Variants in ZNF433 observed in about 807,000 individuals in gnomAD.
ZNF433 encodes zinc finger protein 433.
A neutral mutation model predicts 10.6 loss-of-function variants in ZNF433; 12 were observed. The observed-to-expected ratio is 1.13, with a 90% confidence interval of 0.72 to 1.83. The LOEUF is 1.83. Ranked by LOEUF, ZNF433 falls within the 40% of genes most tolerant of loss-of-function variation. ZNF433 has a pLI of 0.00. For synonymous variants in ZNF433, 272 were observed against 271.3 expected (o/e 1.00, Z -0.02); for missense variants, 737 against 798.0 (o/e 0.92, Z 0.92).
chr19:12,033,638 C>T (rs1037663472), intron 1 of ZNF433, among the ~76,000 whole-genome samples: 3 of 152,028 alleles, frequency 2.0e-5, no homozygotes, highest in Non-Finnish European at 4.4e-5. Flanking sequence ...CTGGCTAACA[C>T]AGTGAAACCC....
At position 12,035,459 on chromosome 19, in the gene ZNF433, C is replaced by G. The variant is rs1599382410; in HGVS notation, c.3+78G>C. 7 of 1,542,696 alleles carry G rather than the reference C, an allele frequency of 4.5e-6. No homozygotes were observed. The South Asian group carries it at 7.2e-5, about 16-fold the overall frequency. ...ACCCCGGAGTCGCCGCGGGGAGGCCCGGGTCCCACCACAGCCGGTTCCGGC... is the reference window on the plus strand; with the variant it reads ...ACCCCGGAGTCGCCGCGGGGAGGCCGGGGTCCCACCACAGCCGGTTCCGGC... On this transcript the variant is annotated intron_variant, in intron 1 of 3. Coordinates refer to ENST00000550507, the MANE Select transcript of ZNF433 (RefSeq NM_001308348.2).
At position 12,014,789 on chromosome 19, in the gene ZNF433, G is replaced by T; in HGVS notation, c.*56C>A. 1 of 1,333,878 alleles carries T rather than the reference G, an allele frequency of 7.5e-7. No homozygotes were observed. Among genetic ancestry groups the T allele is most frequent in the Non-Finnish European group, 1.0e-6 (1 of 989,852 alleles). The allele number at this position is 1,333,878 out of a possible 1,614,324, so 82.6% of individuals were successfully genotyped here. A position where few individuals can be genotyped will look rare whatever the true frequency, so the allele number is the denominator to read the frequency against. On this transcript the variant is annotated 3_prime_UTR_variant, in exon 4 of 4. Transcript: ENST00000550507. ...GAGTCTCACTATGTTGCCCAGGCTGGTCTTGAACTCCTGGGCTTAAGCAGT... is the reference window on the plus strand; with the variant it reads ...GAGTCTCACTATGTTGCCCAGGCTGTTCTTGAACTCCTGGGCTTAAGCAGT...
chr19:12,034,066 C>A (rs1020906336), intron 1 of ZNF433, among the ~76,000 whole-genome samples: 1 of 152,070 alleles, frequency 6.6e-6, no homozygotes, highest in Non-Finnish European at 1.5e-5. Flanking sequence ...AACTTAATGC[C>A]TATAGTACTC....
chr19:12,016,609 C>T lies in ZNF433; in HGVS notation c.249G>A (p.Leu83=). ...TCAGCATGTCATCTGGAACCTGGGT[C>T]AAAATTTCTCCATGCTGATGACCTT... ...SKEGHQHGEI[L]TQVPDDMLKK... is the part of the protein sequence containing the mutation. Residue 83 remains leucine, a synonymous_variant, in exon 4 of 4, where the codon TTG becomes TTA. Transcript: ENST00000550507. The T allele has an allele frequency of 1.2e-6, 2 of 1,614,152 alleles. No individual in the cohort carries two copies. The highest frequency in any genetic ancestry group is 1.7e-6 in the Non-Finnish European group (2 of 1,180,026).
rs970530024 is a variant in ZNF433 at position 12,015,452 on chromosome 19, T to G, written c.1406A>C (p.His469Pro). The change falls in exon 4 of 4, where the codon CAC becomes CCC. Residue 469 changes from histidine to proline, a missense_variant. Coordinates refer to ENST00000550507, the MANE Select transcript of ZNF433 (RefSeq NM_001308348.2). The part of the protein sequence containing the change: ...FSFFQIHERM[H>P]REEKPYECKG... ...ACATTCATACGGCTTCTCTTCTCTG[T>G]GCATCCTTTCATGTATTTGAAAGAA... 1 of 1,614,106 alleles carries G rather than the reference T, an allele frequency of 6.2e-7. No homozygotes were observed.
chr19:12,034,411 C>A (rs1409000297), intron 1 of ZNF433, among the ~76,000 whole-genome samples: 1 of 152,172 alleles, frequency 6.6e-6, no homozygotes, highest in Non-Finnish European at 1.5e-5. Context: ...TACAGATTAA[C>A]CATCAGACAG....
rs78678915 is a variant in ZNF433 at position 12,018,965 on chromosome 19, G to A, written c.4-673C>T. Among the ~76,000 whole-genome samples, 368 of 148,428 alleles carry A rather than the reference G, an allele frequency of 2.5e-3. 11 individuals carry two copies. In the East Asian group the frequency reaches 0.062, roughly 25 times the overall value. The stretch of plus-strand genomic sequence containing the variant: ...CCCAGGAGGCTGAGGCAGGAGAATC[G>A]CGGGAATCCAAGAGGCAGAGGCTGC... On this transcript the variant is annotated intron_variant, in intron 1 of 3. Coordinates refer to ENST00000550507, the MANE Select transcript of ZNF433 (RefSeq NM_001308348.2).
chr19:12,015,235 T>A lies in ZNF433; in HGVS notation c.1623A>T (p.Arg541Ser). ...YECKQCGKAF[R>S]SASQLQIHGR... is the part of the protein sequence containing the mutation. ...CATGAATTTGAAGCTGTGAGGCAGA[T>A]CTGAAGGCTTTTCCACATTGCTTGC... is the stretch of plus-strand genomic sequence containing the variant. Residue 541 changes from arginine to serine, a missense_variant, in exon 4 of 4, where the codon AGA becomes AGT. Physicochemically the swap from Arg to Ser is moderately radical, Grantham distance 110 (BLOSUM62 -1). Coordinates refer to ENST00000550507, the MANE Select transcript of ZNF433 (RefSeq NM_001308348.2). The A allele has an allele frequency of 6.2e-7, 1 of 1,613,740 alleles. No homozygotes were observed. The highest frequency in any genetic ancestry group is 2.2e-5 in the East Asian group (1 of 44,788).
chr19:12,014,891 GA>G lies in ZNF433; in HGVS notation c.1966del (p.Ser656HisfsTer12). On this transcript the variant is annotated frameshift_variant, in exon 4 of 4. Transcript: ENST00000550507. LOFTEE classifies it low-confidence loss of function (END_TRUNC). ...AGCCCTTCCATGCACTTGAAGTTGT[GA>G]AGAACATCTAAAGACTTTACCACAT... Reference protein sequence around the residue: ...NQCGKVFRCSSQLQVHGRAHC... With the variant: ...NQCGKVFRCSXQLQVHGRAHC... The G allele has an allele frequency of 1.9e-6, 3 of 1,611,062 alleles. No homozygotes were observed. The highest frequency in any genetic ancestry group is 2.5e-6 in the Non-Finnish European group (3 of 1,178,222).
chr19:12,016,140 T>C lies in ZNF433; in HGVS notation c.718A>G (p.Ile240Val). ...KAFSHSSSLRIHERTHTGEKP... is the reference protein window; with the variant it reads ...KAFSHSSSLRVHERTHTGEKP... ...TCCCCAGTGTGAGTTCTTTCATGTA[T>C]TCGAAGGCTACTAGAATGACTAAAG... The change falls in exon 4 of 4, where the codon ATA (isoleucine) becomes GTA (valine). Residue 240 changes from isoleucine to valine, a missense_variant. Transcript: ENST00000550507. 2.5e-6 allele frequency: 4 copies of C among 1,614,192 alleles called. No homozygotes were observed. The highest frequency in any genetic ancestry group is 2.5e-6 in the Non-Finnish European group (3 of 1,180,036).
chr19:12,020,038 G>A (rs765291157), intron 1 of ZNF433, among the ~76,000 whole-genome samples: 7 of 152,184 alleles, frequency 4.6e-5, no homozygotes, highest in East Asian at 1.9e-4. Context: ...TTGGGAGTCC[G>A]AGGTGGGCGG....
intron 1 of ZNF433, among the ~76,000 whole-genome samples, chr19:12,035,272 G>T (rs1422108869): frequency 6.6e-6 from 1 of 152,158 alleles, no homozygotes; most frequent in Non-Finnish European, 1.5e-5. Context: ...GGGGAGACGC[G>T]GGGCAGCGGG....
intron 1 of ZNF433, among the ~76,000 whole-genome samples, chr19:12,027,492 A>G (rs1482961325): frequency 1.3e-5 from 2 of 152,210 alleles, no homozygotes; most frequent in Non-Finnish European, 2.9e-5. Context: ...CAGGGCGGAA[A>G]ACTGCTTAAA....
intron 1 of ZNF433, chr19:12,026,348 A>G (rs1974733107): frequency 4.0e-6 from 1 of 248,192 alleles, no homozygotes; most frequent in Admixed American, 5.2e-5. Context: ...GTCACGAGCA[A>G]CAACTGCCTG....
At chr19:12,022,547 A>G (rs1039669999) in intron 1 of ZNF433, among the ~76,000 whole-genome samples, 7 of 152,078 alleles carry the variant, frequency 4.6e-5, no homozygotes, top group Non-Finnish European at 7.4e-5. Flanking sequence ...ACCCAGGTCA[A>G]AGTGTCACCG....
intron 1 of ZNF433, among the ~76,000 whole-genome samples, chr19:12,031,326 AAC>A (rs1975019193): frequency 2.0e-5 from 3 of 150,250 alleles, no homozygotes; most frequent in African/African-American, 7.4e-5. Context: ...CAAAAAAAAA[AAC>A]AAAGCAGCTG....
chr19:12,016,670 T>G lies in ZNF433; in HGVS notation c.192-4A>C, dbSNP rs1974221165. ...AAAGAGTCTCTCTCCCACAATTCTG[T>G]GAACAATAAGAAGTACATTATAATG... is the stretch of plus-strand genomic sequence containing the variant. On this transcript the variant is annotated splice_polypyrimidine_tract_variant and splice_region_variant and intron_variant, in intron 3 of 3. Coordinates refer to ENST00000550507, the MANE Select transcript of ZNF433 (RefSeq NM_001308348.2). 6.2e-7 allele frequency: 1 copy of G among 1,612,408 alleles called. No homozygotes were observed. The highest frequency in any genetic ancestry group is 8.5e-7 in the Non-Finnish European group (1 of 1,179,440).
At chr19:12,020,239 T>C (rs1367964570) in intron 1 of ZNF433, among the ~76,000 whole-genome samples, 1 of 151,824 alleles carries the variant, frequency 6.6e-6, no homozygotes, top group African/African-American at 2.4e-5. Context: ...GCCACTGCAC[T>C]CCAGCCAGGG....
rs758253413 is a variant in ZNF433 at position 12,016,572 on chromosome 19, T to C, written c.286A>G (p.Thr96Ala). 23 of 1,614,042 alleles carry C rather than the reference T, an allele frequency of 1.4e-5. No individual in the cohort carries two copies. Among genetic ancestry groups the C allele is most frequent in the Non-Finnish European group, 1.9e-5 (23 of 1,180,042 alleles). The stretch of plus-strand genomic sequence containing the variant: ...CTGCTTTCGCATGATTTTACTCCAG[T>C]AGTTGTTTTCTTCAGCATGTCATCT... Reference protein sequence around the residue: ...VPDDMLKKTTTGVKSCESSVY... With the variant: ...VPDDMLKKTTAGVKSCESSVY... Residue 96 changes from threonine to alanine, a missense_variant, in exon 4 of 4, where the codon ACT becomes GCT. Transcript: ENST00000550507.
Sources: allele counts gnomAD v4.1 joint callset (sites outside exome capture counted in the v4.1 genomes callset), GRCh38; gene constraint gnomAD v4.1.1; transcripts MANE v1.5; gene names NCBI Gene and HGNC (gene_info 2026-07-23, HGNC 2026-07-21).